FAM110B: variants seen among roughly 807,000 people sequenced by gnomAD.
FAM110B encodes the protein family with sequence similarity 110 member B, also known as protein FAM110B.
In FAM110B, 6 loss-of-function variants were observed where a neutral mutation model predicts 20.4. The observed-to-expected ratio is 0.29, with a 90% CI of 0.16 to 0.58. FAM110B has a LOEUF of 0.58. FAM110B is among the 20% of genes least tolerant of loss of function. The pLI is 0.90. For synonymous variants in FAM110B, 226 were observed against 214.1 expected (o/e 1.06, Z -0.49); for missense variants, 434 against 498.2 (o/e 0.87, Z 1.23).
At chr8:58,028,904 C>T (rs17239618) in intron 1 of FAM110B, among the ~76,000 whole-genome samples, 42,657 of 152,116 alleles carry the variant, frequency 0.28, 6,321 homozygotes, top group Middle Eastern at 0.43. Context: ...TAAAGACACA[C>T]TCACAGTTAC....
intron 3 of FAM110B, among the ~76,000 whole-genome samples, chr8:58,119,571 T>C (rs1807302757): frequency 6.6e-6 from 1 of 152,218 alleles, no homozygotes; most frequent in Admixed American, 6.5e-5. Flanking sequence ...TAGTGGTGCG[T>C]AAATTTATCC....
At chr8:58,121,790 T>C (rs575710377) in intron 3 of FAM110B, among the ~76,000 whole-genome samples, 1 of 152,340 alleles carries the variant, frequency 6.6e-6, no homozygotes, top group Non-Finnish European at 1.5e-5. Flanking sequence ...ATATTTCATG[T>C]GTGCTCATAC....
At chr8:58,001,535 A>T (rs1486787174) in intron 1 of FAM110B, among the ~76,000 whole-genome samples, 2 of 152,070 alleles carry the variant, frequency 1.3e-5, no homozygotes, top group East Asian at 1.9e-4. Flanking sequence ...GGTATTTTTC[A>T]TTCCAGGATT....
intron 1 of FAM110B, among the ~76,000 whole-genome samples, chr8:57,996,285 T>C (rs996697607): frequency 1.3e-5 from 2 of 152,224 alleles, no homozygotes; most frequent in African/African-American, 4.8e-5. Flanking sequence ...ATAAAGTGCT[T>C]AGAACAGTGC....
chr8:58,017,275 T>C (rs547114263), intron 1 of FAM110B, among the ~76,000 whole-genome samples: 3 of 152,338 alleles, frequency 2.0e-5, no homozygotes, highest in African/African-American at 4.8e-5. Context: ...ATTTTATAGA[T>C]AAGAGACTGG....
intron 3 of FAM110B, among the ~76,000 whole-genome samples, chr8:58,142,079 G>A (rs1803755552): frequency 6.6e-6 from 1 of 152,188 alleles, no homozygotes; most frequent in Non-Finnish European, 1.5e-5. Flanking sequence ...GCTGGCAGAT[G>A]GGAAGTTAGA....
intron 2 of FAM110B, among the ~76,000 whole-genome samples, chr8:58,042,794 T>A (rs1161355949): frequency 6.6e-6 from 1 of 152,264 alleles, no homozygotes; most frequent in Non-Finnish European, 1.5e-5. Context: ...ATCTCCTGGA[T>A]GCTTGCGTAA....
intron 1 of FAM110B, among the ~76,000 whole-genome samples, chr8:58,003,839 A>C (rs150732532): frequency 1.5e-4 from 23 of 152,288 alleles, no homozygotes; most frequent in Non-Finnish European, 2.6e-4. Context: ...GGACATTCAG[A>C]ATGGTAAGTC....
At chr8:58,123,555 T>G (rs1166184059) in intron 3 of FAM110B, among the ~76,000 whole-genome samples, 1 of 152,206 alleles carries the variant, frequency 6.6e-6, no homozygotes, top group Non-Finnish European at 1.5e-5. Flanking sequence ...TTTTAATCAC[T>G]GATTTTGTAT....
chr8:58,025,280 G>A (rs1804831894), intron 1 of FAM110B, among the ~76,000 whole-genome samples: 1 of 152,224 alleles, frequency 6.6e-6, no homozygotes, highest in Non-Finnish European at 1.5e-5. Flanking sequence ...AGGCAGCACT[G>A]TCTGAACTAG....
At chr8:58,037,228 CAG>C (rs1805092909) in intron 2 of FAM110B, among the ~76,000 whole-genome samples, 1 of 151,912 alleles carries the variant, frequency 6.6e-6, no homozygotes, top group Non-Finnish European at 1.5e-5. Flanking sequence ...TTTTTAAAAA[CAG>C]TACTTTTAGT....
intron 3 of FAM110B, among the ~76,000 whole-genome samples, chr8:58,136,351 T>C (rs1803615065): frequency 6.6e-6 from 1 of 152,114 alleles, no homozygotes; most frequent in African/African-American, 2.4e-5. Flanking sequence ...TAGACTAGTC[T>C]GTAAAAAATG....
At chr8:58,010,637 G>C (rs1263407735) in intron 1 of FAM110B, among the ~76,000 whole-genome samples, 1 of 152,178 alleles carries the variant, frequency 6.6e-6, no homozygotes, top group Non-Finnish European at 1.5e-5. Flanking sequence ...AAGGAAAACA[G>C]CTTAAATGAA....
intron 1 of FAM110B, among the ~76,000 whole-genome samples, chr8:58,008,399 C>G (rs995893622): frequency 6.6e-6 from 1 of 152,232 alleles, no homozygotes; most frequent in East Asian, 1.9e-4. Flanking sequence ...TCTCAAAGTA[C>G]TGGGATTACA....
intron 3 of FAM110B, among the ~76,000 whole-genome samples, chr8:58,112,687 G>A (rs888908288): frequency 6.6e-6 from 1 of 152,176 alleles, no homozygotes; most frequent in African/African-American, 2.4e-5. Flanking sequence ...TTGAGTGCTG[G>A]TTCTCATTAA....
intron 2 of FAM110B, among the ~76,000 whole-genome samples, chr8:58,033,036 G>A (rs1000704677): frequency 2.6e-5 from 4 of 152,142 alleles, no homozygotes; most frequent in East Asian, 1.9e-4. Context: ...GTATCCCATC[G>A]ATAGGTTTTT....
At chr8:58,012,751 A>T (rs1378973263) in intron 1 of FAM110B, among the ~76,000 whole-genome samples, 1 of 152,172 alleles carries the variant, frequency 6.6e-6, no homozygotes, top group African/African-American at 2.4e-5. Flanking sequence ...AGTCTGTGTT[A>T]CTGTGGTCAC....
intron 3 of FAM110B, among the ~76,000 whole-genome samples, chr8:58,126,795 T>A (rs1807517986): frequency 6.6e-6 from 1 of 152,208 alleles, no homozygotes; most frequent in Non-Finnish European, 1.5e-5. Context: ...ATGTTCTAGA[T>A]ATGAGCCCTT....
chr8:58,022,262 G>C (rs537550002), intron 1 of FAM110B, among the ~76,000 whole-genome samples: 1 of 152,328 alleles, frequency 6.6e-6, no homozygotes, highest in East Asian at 1.9e-4. Context: ...ATTATGCTAA[G>C]CAAAATAACC....
Sources: allele counts gnomAD v4.1 joint callset (sites outside exome capture counted in the v4.1 genomes callset), GRCh38; gene constraint gnomAD v4.1.1; transcripts MANE v1.5; gene names NCBI Gene and HGNC (gene_info 2026-07-23, HGNC 2026-07-21).